Variants in PCDH7 observed in about 807,000 individuals in gnomAD.
PCDH7 encodes the protein protocadherin 7, also known as protocadherin-7.
Under a neutral mutation model 58.9 loss-of-function variants are expected in PCDH7, and 17 were observed. The observed-to-expected ratio is 0.29, with a 90% CI of 0.20 to 0.43. PCDH7 has a LOEUF of 0.43. PCDH7 is among the 20% of genes least tolerant of loss of function. The pLI, the probability that PCDH7 is intolerant of heterozygous loss-of-function variation, is 1.00. For missense variants in PCDH7, 1,274 were observed against 1,441.0 expected, an observed-to-expected ratio of 0.88 and a Z score of 1.88; for synonymous variants, 664 against 616.4, an observed-to-expected ratio of 1.08 and a Z score of -1.14.
intron 2 of PCDH7, among the ~76,000 whole-genome samples, chr4:30,929,696 C>T (rs779951280): frequency 4.6e-5 from 7 of 152,094 alleles, no homozygotes; most frequent in African/African-American, 7.2e-5. Flanking sequence ...GAAAATATAT[C>T]TCCCATGGTT....
Position 30,722,766 on chromosome 4 carries a change from C to T in PCDH7, c.1344C>T (p.Ser448=). 1 of 1,613,512 alleles carries T rather than the reference C, an allele frequency of 6.2e-7. No individual in the cohort carries two copies. The highest frequency in any genetic ancestry group is 1.1e-5 in the South Asian group (1 of 91,072). ...CCCCCATCGCTCTGGTGCAGGTGTC[C>T]GACCGAGACCAAGGCGAGAACGGGG... The change falls in exon 1 of 2, where the codon TCC becomes TCT. Residue 448 remains serine (S), a synonymous_variant. Transcript: ENST00000361762. This position sits in a 1 kb window ranked among gnomAD's most constrained non-coding sequence, Gnocchi z 7.6.
At chr4:30,762,548 A>G (rs994005837) in intron 1 of PCDH7, among the ~76,000 whole-genome samples, 2 of 152,330 alleles carry the variant, frequency 1.3e-5, no homozygotes, top group African/African-American at 4.8e-5. Flanking sequence ...GCTGATTAAA[A>G]AAAAGGATTC....
At chr4:31,058,226 CAATT>C (rs1757412813) in intron 3 of PCDH7, among the ~76,000 whole-genome samples, 1 of 152,044 alleles carries the variant, frequency 6.6e-6, no homozygotes, top group African/African-American at 2.4e-5. Context: ...CAACTTTCAT[CAATT>C]AATTCTGTGC....
At chr4:30,933,471 A>G (rs1348387573) in intron 2 of PCDH7, among the ~76,000 whole-genome samples, 2 of 152,070 alleles carry the variant, frequency 1.3e-5, no homozygotes, top group Non-Finnish European at 2.9e-5. Flanking sequence ...TTGTGTCTCT[A>G]ACTTACGCTT....
chr4:30,783,240 ATTC>A (rs1451914075), intron 1 of PCDH7: 1 of 152,218 alleles, frequency 6.6e-6, no homozygotes, highest in Non-Finnish European at 1.5e-5. Context: ...AACACTGGTT[ATTC>A]TTAACCAATG....
intron 2 of PCDH7, among the ~76,000 whole-genome samples, chr4:30,940,524 G>A (rs771488226): frequency 6.6e-6 from 1 of 152,008 alleles, no homozygotes; most frequent in Non-Finnish European, 1.5e-5. Context: ...TGTATAAATA[G>A]AGTACACTAA....
chr4:30,987,095 T>C (rs1174737717), intron 3 of PCDH7, among the ~76,000 whole-genome samples: 2 of 152,138 alleles, frequency 1.3e-5, no homozygotes, highest in Non-Finnish European at 2.9e-5. Context: ...ATTAGAGAAA[T>C]TGGTCCTTTT....
intron 1 of PCDH7, among the ~76,000 whole-genome samples, chr4:30,850,050 T>C (rs1732517790): frequency 6.6e-6 from 1 of 152,146 alleles, no homozygotes. Flanking sequence ...ATCCTTTATC[T>C]CTTTTCTTGC....
At chr4:30,824,484 T>G (rs1728856195) in intron 1 of PCDH7, among the ~76,000 whole-genome samples, 1 of 152,066 alleles carries the variant, frequency 6.6e-6, no homozygotes, top group Admixed American at 6.6e-5. Context: ...AACTTTGCCA[T>G]TCAAAAATGA....
At chr4:30,755,397 T>C (rs1028403438) in intron 1 of PCDH7, among the ~76,000 whole-genome samples, 1 of 152,136 alleles carries the variant, frequency 6.6e-6, no homozygotes, top group African/African-American at 2.4e-5. Context: ...ATCCTGAAAG[T>C]TGCATAGATT....
At chr4:30,911,531 G>A (rs926197075) in intron 1 of PCDH7, among the ~76,000 whole-genome samples, 7 of 152,018 alleles carry the variant, frequency 4.6e-5, no homozygotes, top group African/African-American at 1.7e-4. Context: ...GCAATAAAGA[G>A]CAAAACCTAA....
chr4:31,000,978 A>T (rs1221435045), intron 3 of PCDH7, among the ~76,000 whole-genome samples: 1 of 152,108 alleles, frequency 6.6e-6, no homozygotes, highest in East Asian at 1.9e-4. Context: ...CATCAAAAGT[A>T]TATTAATTAA....
chr4:30,877,066 TTAG>T (rs1399153405), intron 1 of PCDH7, among the ~76,000 whole-genome samples: 3 of 152,092 alleles, frequency 2.0e-5, no homozygotes, highest in African/African-American at 2.4e-5. Flanking sequence ...TAAAGTCATC[TTAG>T]TAGTGATTGA....
chr4:30,931,065 G>A lies in PCDH7; in HGVS notation c.287+10696G>A, dbSNP rs189677083. ...AAATATCTAGTCCTGCAGAGATGAAGATAAAGAAGTAGACCTGTGGGATCA... is the reference window on the plus strand; with the variant it reads ...AAATATCTAGTCCTGCAGAGATGAAAATAAAGAAGTAGACCTGTGGGATCA... On this transcript the variant is annotated intron_variant, in intron 2 of 3. Transcript: ENST00000509759. 5.9e-5 allele frequency among the ~76,000 whole-genome samples: 9 copies of A among 152,314 alleles called. No individual in the cohort carries two copies. The East Asian group carries it at 1.7e-3, about 29-fold the overall frequency.
intron 1 of PCDH7, among the ~76,000 whole-genome samples, chr4:30,886,979 G>A (rs1190559482): frequency 8.1e-6 from 1 of 124,192 alleles, no homozygotes; most frequent in East Asian, 2.8e-4. Context: ...GTTGTGGAGT[G>A]GGGGGTGGGG....
At chr4:30,736,547 T>G (rs1407834478), downstream of PCDH7, among the ~76,000 whole-genome samples, 5 of 149,702 alleles carry the variant, frequency 3.3e-5, no homozygotes, top group African/African-American at 1.2e-4. Flanking sequence ...TTTTTTTTTT[T>G]TTTTTTGAGA....
chr4:30,845,298 T>C (rs1731772406), intron 1 of PCDH7, among the ~76,000 whole-genome samples: 2 of 152,194 alleles, frequency 1.3e-5, no homozygotes, highest in Non-Finnish European at 2.9e-5. Flanking sequence ...AAATATTCTC[T>C]CTTACATTTA....
At chr4:30,829,596 A>G (rs1729524258) in intron 1 of PCDH7, among the ~76,000 whole-genome samples, 1 of 152,072 alleles carries the variant, frequency 6.6e-6, no homozygotes, top group Admixed American at 6.6e-5. Flanking sequence ...CTATTTCATG[A>G]AGCAATTGTC....
rs62000978 is a variant in PCDH7, at chr4:30,722,556, G to A, written c.1134G>A (p.Val378=). 4,382 of 1,612,692 alleles carry A rather than the reference G, an allele frequency of 2.7e-3. 96 individuals carry two copies. In the African/African-American group the frequency reaches 0.052, roughly 19 times the overall value. ...TGCACCGGATCGACCGCGAGGAGGT[G>A]AACCAGCTGCGCTTCACGGTCATGG... is the stretch of plus-strand genomic sequence containing the variant. Residue 378 remains valine, a synonymous_variant, in exon 1 of 2, where the codon GTG becomes GTA. Transcript: ENST00000361762. The surrounding 1 kb of genome is among the most constrained non-coding windows in gnomAD (Gnocchi z 7.6).
Sources: allele counts gnomAD v4.1 joint callset (sites outside exome capture counted in the v4.1 genomes callset), GRCh38; gene constraint gnomAD v4.1.1; non-coding constraint Gnocchi (gnomAD v3.1); transcripts MANE v1.5; gene names NCBI Gene and HGNC (gene_info 2026-07-23, HGNC 2026-07-21).